SLC5A4: variants seen among roughly 807,000 people sequenced by gnomAD.
The protein encoded by SLC5A4 is solute carrier family 5 member 4.
Under a neutral mutation model 70.3 loss-of-function variants are expected in SLC5A4, and 55 were observed. The observed-to-expected ratio is 0.78, with a 90% CI of 0.63 to 0.98. The LOEUF is 0.98. SLC5A4 is among the 50% of genes least tolerant of loss of function. The pLI, the probability that SLC5A4 is intolerant of heterozygous loss-of-function variation, is 0.00. For synonymous variants in SLC5A4, 268 were observed against 305.7 expected (o/e 0.88, Z 1.29); for missense variants, 735 against 839.2 (o/e 0.88, Z 1.53).
At chr22:32,231,935 C>G (rs190120101) in intron 9 of SLC5A4, among the ~76,000 whole-genome samples, 117 of 152,032 alleles carry the variant, frequency 7.7e-4, no homozygotes, top group African/African-American at 2.6e-3. Flanking sequence ...AGCTGTAGTG[C>G]AATGGTGCAA....
At chr22:32,270,837 G>A in the SLC5A4 span, 1 of 561,580 alleles carries the variant, frequency 1.8e-6, no homozygotes, top group Non-Finnish European at 3.3e-6. Context: ...TATAGTGGCT[G>A]CCACGACCAC....
At chr22:32,261,757 A>T in the SLC5A4 span, among the ~76,000 whole-genome samples, 3 of 152,214 alleles carry the variant, frequency 2.0e-5, no homozygotes, top group Admixed American at 6.5e-5. Context: ...GTGCTATCAA[A>T]TAGTATGTTT....
intron 8 of SLC5A4, among the ~76,000 whole-genome samples, chr22:32,233,245 A>C (rs1274176899): frequency 6.6e-6 from 1 of 152,220 alleles, no homozygotes; most frequent in Non-Finnish European, 1.5e-5. Context: ...TGAATGGATA[A>C]AGAAAATATG....
At chr22:32,311,986 C>T in the SLC5A4 span, among the ~76,000 whole-genome samples, 2 of 152,256 alleles carry the variant, frequency 1.3e-5, no homozygotes, top group East Asian at 3.9e-4. Flanking sequence ...ACCCCCCTTC[C>T]CCACTGTGAG....
chr22:32,284,862 G>A, the SLC5A4 span: 7 of 152,166 alleles, frequency 4.6e-5, no homozygotes, highest in Non-Finnish European at 4.4e-5. Flanking sequence ...TCTGTGGGGT[G>A]AGGATCCAGC....
the SLC5A4 span, among the ~76,000 whole-genome samples, chr22:32,344,638 A>G: frequency 7.2e-4 from 110 of 152,336 alleles, no homozygotes; most frequent in Non-Finnish European, 8.8e-4. Flanking sequence ...TTAATATTCA[A>G]GAAAAATTAA....
At position 32,255,271 on chromosome 22, in the gene SLC5A4, G is replaced by C. The variant is rs748305164; in HGVS notation, c.59C>G (p.Ser20Cys). ...IAETPEPPPL[S>C]DHIRNAADIS... ...GTCAGCAGCATTTCGGATGTGGTCA[G>C]ACAATGGAGGTGGCTCTGGGGTCTC... The change falls in exon 1 of 15, where the codon TCT becomes TGT. Residue 20 changes from serine to cysteine, a missense_variant. Transcript: ENST00000266086. 1 of 1,614,148 alleles carries C rather than the reference G, an allele frequency of 6.2e-7. No individual in the cohort carries two copies.
intron 3 of SLC5A4, among the ~76,000 whole-genome samples, chr22:32,250,937 C>T (rs1392377460): frequency 6.6e-6 from 1 of 151,718 alleles, no homozygotes; most frequent in Non-Finnish European, 1.5e-5. Context: ...AGGGGAACAT[C>T]ACACACTGGG....
chr22:32,250,198 G>A (rs187116652), intron 3 of SLC5A4, among the ~76,000 whole-genome samples: 6 of 152,290 alleles, frequency 3.9e-5, no homozygotes, highest in African/African-American at 1.2e-4. Context: ...CAGGCAGAAT[G>A]GGACCACAGA....
the SLC5A4 span, among the ~76,000 whole-genome samples, chr22:32,322,020 G>C: frequency 1.3e-5 from 2 of 152,186 alleles, no homozygotes; most frequent in African/African-American, 4.8e-5. Flanking sequence ...ATGAAAGAGT[G>C]GGGTGGACGG....
At chr22:32,265,608 G>T in the SLC5A4 span, among the ~76,000 whole-genome samples, 4 of 152,004 alleles carry the variant, frequency 2.6e-5, no homozygotes, top group Non-Finnish European at 5.9e-5. Flanking sequence ...CGGAGGCTGA[G>T]GTGGGTGGAT....
At chr22:32,351,128 T>G in the SLC5A4 span, among the ~76,000 whole-genome samples, 2 of 152,168 alleles carry the variant, frequency 1.3e-5, no homozygotes, top group Non-Finnish European at 2.9e-5. Context: ...CAGAAAATGG[T>G]GGCAGAGAAA....
At chr22:32,345,827 T>C in the SLC5A4 span, among the ~76,000 whole-genome samples, 2 of 152,204 alleles carry the variant, frequency 1.3e-5, no homozygotes, top group East Asian at 3.8e-4. Flanking sequence ...TGTTAAAACA[T>C]GACATTTATG....
the SLC5A4 span, among the ~76,000 whole-genome samples, chr22:32,338,843 C>T: frequency 6.6e-6 from 1 of 152,192 alleles, no homozygotes; most frequent in Non-Finnish European, 1.5e-5. Context: ...TGCCTGGCAT[C>T]TATCCAGAGG....
chr22:32,333,201 C>CCCCT, the SLC5A4 span, among the ~76,000 whole-genome samples: 1 of 147,294 alleles, frequency 6.8e-6, no homozygotes, highest in East Asian at 2.1e-4. Flanking sequence ...CTGGCACCCC[C>CCCCT]CCCCCAGAAG....
chr22:32,229,316 C>T lies in SLC5A4; in HGVS notation c.1158G>A (p.Met386Ile), dbSNP rs1332259992. ...QGLRGLMLSV[M>I]LASLMSSLTS... ...TCAGGGAGCTCATGAGAGAGGCCAG[C>T]ATGACCGAAAGCATCAGGCCTCGCA... Residue 386 changes from methionine (M) to isoleucine (I), a missense_variant, in exon 11 of 15, where the codon ATG becomes ATA. Physicochemically the swap from Met to Ile is conservative, Grantham distance 10. Transcript: ENST00000266086. 1.2e-6 allele frequency: 2 copies of T among 1,614,144 alleles called. No homozygotes were observed. The highest frequency in any genetic ancestry group is 1.7e-6 in the Non-Finnish European group (2 of 1,180,012).
the SLC5A4 span, chr22:32,269,871 C>A: frequency 1.7e-6 from 1 of 592,826 alleles, no homozygotes; most frequent in Non-Finnish European, 3.3e-6. The surrounding 1 kb of genome is among the most constrained non-coding windows in gnomAD (Gnocchi z 4.1). Flanking sequence ...CGATGGCATG[C>A]GTAGCGTCCG....
At chr22:32,305,302 C>CCTTGCCTACGAGATGAGAAA in the SLC5A4 span, among the ~76,000 whole-genome samples, 1 of 150,142 alleles carries the variant, frequency 6.7e-6, no homozygotes, top group African/African-American at 2.5e-5. Flanking sequence ...CTGACTGCTC[C>CCTTGCCTACGAGATGAGAAA]CGGGCTTGTA....
the SLC5A4 span, among the ~76,000 whole-genome samples, chr22:32,346,973 T>C: frequency 3.3e-5 from 5 of 151,678 alleles, no homozygotes; most frequent in African/African-American, 1.2e-4. Context: ...AGGGCTAATA[T>C]CCAGAATCTA....
Sources: allele counts gnomAD v4.1 joint callset (sites outside exome capture counted in the v4.1 genomes callset), GRCh38; gene constraint gnomAD v4.1.1; non-coding constraint Gnocchi (gnomAD v3.1); transcripts MANE v1.5; gene names NCBI Gene and HGNC (gene_info 2026-07-23, HGNC 2026-07-21).